Variants in CPT1A observed in about 807,000 individuals in gnomAD.
CPT1A encodes the protein carnitine O-palmitoyltransferase 1, liver isoform.
A neutral mutation model predicts 100.8 loss-of-function variants in CPT1A; 64 were observed. That is an observed-to-expected ratio of 0.63 (90% CI 0.52 to 0.78). The LOEUF (loss-of-function observed/expected upper bound fraction) is 0.78, where lower values mean the gene tolerates loss of function less well. Among genes scored for constraint, CPT1A ranks in the 30% least tolerant of loss-of-function variants. The pLI, the probability that CPT1A is intolerant of heterozygous loss-of-function variation, is 0.00. For synonymous variants in CPT1A, 363 were observed against 396.0 expected, an observed-to-expected ratio of 0.92 and a Z score of 0.99; for missense variants, 802 against 1,034.1, an observed-to-expected ratio of 0.78 and a Z score of 3.08.
chr11:68,792,346 A>C (rs1855640310), intron 9 of CPT1A, among the ~76,000 whole-genome samples: 1 of 152,050 alleles, frequency 6.6e-6, no homozygotes, highest in Non-Finnish European at 1.5e-5. Context: ...AAAAAAAAAT[A>C]AATAAATAAA....
chr11:68,822,024 G>T (rs1022654651), intron 1 of CPT1A, among the ~76,000 whole-genome samples: 1 of 152,090 alleles, frequency 6.6e-6, no homozygotes, highest in African/African-American at 2.4e-5. Flanking sequence ...TCTCATGCAT[G>T]GCTGGTCAAA....
chr11:68,773,525 A>C (rs1470307264), intron 13 of CPT1A, 96 bp from the exon 14 acceptor site: 6 of 1,586,500 alleles, frequency 3.8e-6, no homozygotes, highest in Non-Finnish European at 5.1e-6. Context: ...TAGTGCAGCT[A>C]TAAACTCGGT....
intron 1 of CPT1A, among the ~76,000 whole-genome samples, chr11:68,816,808 ATG>A (rs776949088): frequency 9.7e-4 from 116 of 119,698 alleles, no homozygotes; most frequent in Non-Finnish European, 1.6e-3. Flanking sequence ...TGTGTGTGGT[ATG>A]TGTGTGTGGT....
chr11:68,814,259 G>A (rs1351393959), intron 2 of CPT1A, among the ~76,000 whole-genome samples: 2 of 152,136 alleles, frequency 1.3e-5, no homozygotes, highest in African/African-American at 4.8e-5. Context: ...AAACAGAATT[G>A]AGAACATGTG....
chr11:68,761,562 G>C lies in CPT1A; in HGVS notation c.2001C>G (p.Leu667=). 1 of 1,614,066 alleles carries C rather than the reference G, an allele frequency of 6.2e-7. No individual in the cohort carries two copies. Among genetic ancestry groups the C allele is most frequent in the Non-Finnish European group, 8.5e-7 (1 of 1,180,020 alleles). Reference sequence around the variant, plus strand: ...CCTTAAGGAAAGGGGACTCCACAGCGAGATATTTAGACACCACGTAAAGGC... The same window carrying C: ...CCTTAAGGAAAGGGGACTCCACAGCCAGATATTTAGACACCACGTAAAGGC... ...LFCLYVVSKY[L]AVESPFLKEV... is the part of the protein sequence containing the mutation. The change falls in exon 16 of 19, where the codon CTC becomes CTG. Residue 667 remains leucine (L), a synonymous_variant. Coordinates refer to ENST00000265641, the MANE Select transcript of CPT1A (RefSeq NM_001876.4).
intron 3 of CPT1A, among the ~76,000 whole-genome samples, chr11:68,810,845 C>T (rs889251663): frequency 1.3e-5 from 2 of 152,016 alleles, no homozygotes; most frequent in African/African-American, 4.8e-5. Flanking sequence ...ATTAGCCAGG[C>T]ATGGTGGCGG....
intron 14 of CPT1A, among the ~76,000 whole-genome samples, chr11:68,769,626 G>A (rs1317887065): frequency 3.3e-5 from 5 of 151,892 alleles, no homozygotes; most frequent in African/African-American, 9.7e-5. Context: ...TCCTGCCTCC[G>A]CCTGATTGCT....
At position 68,841,774 on chromosome 11, in the gene CPT1A, C is replaced by G; in HGVS notation, c.-14+1G>C. 1.0e-6 allele frequency: 1 copy of G among 989,494 alleles called. No homozygotes were observed. The highest frequency in any genetic ancestry group is 1.2e-6 in the Non-Finnish European group (1 of 833,418). The allele number at this position is 989,494 out of a possible 1,614,324, so 61.3% of individuals were successfully genotyped here. ...CCCCACCGCGGGCGACCGGGCCTCACCGAGTCAGCTACGGAGGTGCGGCAG... is the reference window on the plus strand; with the variant it reads ...CCCCACCGCGGGCGACCGGGCCTCAGCGAGTCAGCTACGGAGGTGCGGCAG... On this transcript the variant is annotated splice_donor_variant, in intron 1 of 18. Transcript: ENST00000265641. LOFTEE classifies it low-confidence loss of function (5UTR_SPLICE). The surrounding 1 kb of genome is among the most constrained non-coding windows in gnomAD (Gnocchi z 6.3).
chr11:68,804,229 A>G (rs1390156869), intron 4 of CPT1A, 128 bp from the exon 5 acceptor site: 1 of 730,708 alleles, frequency 1.4e-6, no homozygotes, highest in Non-Finnish European at 2.4e-6. Context: ...TGACCATTTC[A>G]AAGACAAGGC....
At chr11:68,826,226 A>T (rs1856723943) in intron 1 of CPT1A, among the ~76,000 whole-genome samples, 1 of 152,008 alleles carries the variant, frequency 6.6e-6, no homozygotes, top group Non-Finnish European at 1.5e-5. Flanking sequence ...TGGGAGGATC[A>T]CTGTAGGTCA....
At chr11:68,754,783 T>A, downstream of CPT1A, 1 of 780,964 alleles carries the variant, frequency 1.3e-6, no homozygotes, top group Non-Finnish European at 2.4e-6. Context: ...CTCCAAGGCC[T>A]TGTTTCCATA....
chr11:68,802,682 CA>C (rs1855934688), intron 5 of CPT1A, among the ~76,000 whole-genome samples: 1 of 151,358 alleles, frequency 6.6e-6, no homozygotes, highest in Non-Finnish European at 1.5e-5. Flanking sequence ...TGCAGTGAGC[CA>C]AGATCACGCC....
chr11:68,786,140 T>C (rs557301154), intron 9 of CPT1A: 10 of 690,916 alleles, frequency 1.4e-5, no homozygotes, highest in African/African-American at 3.5e-5. Context: ...GGAGGGAGGA[T>C]TGCTTGAGCC....
intron 14 of CPT1A, among the ~76,000 whole-genome samples, chr11:68,769,142 A>G (rs939814280): frequency 1.5e-4 from 23 of 152,038 alleles, no homozygotes; most frequent in Non-Finnish European, 8.8e-5. Flanking sequence ...CCATTTACTC[A>G]CCAGCTCCCC....
chr11:68,767,788 G>T (rs1384430176), intron 14 of CPT1A, among the ~76,000 whole-genome samples: 3 of 152,122 alleles, frequency 2.0e-5, no homozygotes, highest in African/African-American at 7.2e-5. Flanking sequence ...GATAAAAGGC[G>T]AAATGTCTCC....
chr11:68,788,947 G>A (rs772544286), intron 9 of CPT1A, among the ~76,000 whole-genome samples: 9 of 152,132 alleles, frequency 5.9e-5, no homozygotes, highest in Non-Finnish European at 1.0e-4. Flanking sequence ...CTAGGTGCCT[G>A]CTCTACAGAC....
chr11:68,842,280 G>A (rs1302128741), upstream of CPT1A, among the ~76,000 whole-genome samples: 3 of 152,062 alleles, frequency 2.0e-5, no homozygotes, highest in Non-Finnish European at 4.4e-5. Flanking sequence ...CAAGGGTCGC[G>A]GGCCAGGAAA....
chr11:68,842,811 G>A (rs970581637), upstream of CPT1A, among the ~76,000 whole-genome samples: 1 of 152,218 alleles, frequency 6.6e-6, no homozygotes, highest in African/African-American at 2.4e-5. Context: ...TTGAGGGGGA[G>A]GGAGAGGGGC....
At chr11:68,766,359 T>A (rs933771839) in intron 14 of CPT1A, among the ~76,000 whole-genome samples, 1 of 152,162 alleles carries the variant, frequency 6.6e-6, no homozygotes, top group African/African-American at 2.4e-5. Context: ...GTTCTGGATT[T>A]ATGTAAAACC....
Sources: allele counts gnomAD v4.1 joint callset (sites outside exome capture counted in the v4.1 genomes callset), GRCh38; gene constraint gnomAD v4.1.1; non-coding constraint Gnocchi (gnomAD v3.1); transcripts MANE v1.5; gene names NCBI Gene and HGNC (gene_info 2026-07-23, HGNC 2026-07-21).